CALCR: variants seen among roughly 807,000 people sequenced by gnomAD.
CALCR encodes calcitonin receptor.
A neutral mutation model predicts 59.5 loss-of-function variants in CALCR; 47 were observed. The observed-to-expected ratio is 0.79, with a 90% CI of 0.63 to 1.01. The LOEUF (loss-of-function observed/expected upper bound fraction) is 1.01. Among genes scored for constraint, CALCR ranks in the 50% least tolerant of loss-of-function variants. The probability of loss-of-function intolerance (pLI) is 0.00; values close to 1 mark genes in which losing one functional copy is unlikely to be tolerated. For missense variants in CALCR, 566 were observed against 597.1 expected, an observed-to-expected ratio of 0.95 and a Z score of 0.54; for synonymous variants, 213 against 211.3, an observed-to-expected ratio of 1.01 and a Z score of -0.07.
chr7:93,467,270 C>T (rs1989872), intron 7 of CALCR, among the ~76,000 whole-genome samples: 9,412 of 151,660 alleles, frequency 0.062, 937 homozygotes, highest in African/African-American at 0.21. Context: ...TACTTCATGT[C>T]TTTTTGCTTT....
At chr7:93,429,747 A>C (rs1333006302) in intron 13 of CALCR, among the ~76,000 whole-genome samples, 1 of 152,066 alleles carries the variant, frequency 6.6e-6, no homozygotes, top group South Asian at 2.1e-4. Context: ...TTACCTCTGC[A>C]GTTTTGATCC....
chr7:93,527,433 G>A (rs1788686809), intron 2 of CALCR, among the ~76,000 whole-genome samples: 1 of 151,966 alleles, frequency 6.6e-6, no homozygotes, highest in East Asian at 1.9e-4. Flanking sequence ...GCTTAGTACA[G>A]TTTTAAGCTT....
intron 2 of CALCR, among the ~76,000 whole-genome samples, chr7:93,566,655 C>CT (rs892697178): frequency 7.2e-5 from 11 of 152,120 alleles, no homozygotes; most frequent in African/African-American, 2.7e-4. Flanking sequence ...TGCTGGGTCC[C>CT]TGTAAGTTTT....
intron 2 of CALCR, among the ~76,000 whole-genome samples, chr7:93,546,493 G>A (rs987354178): frequency 9.2e-5 from 14 of 152,010 alleles, no homozygotes; most frequent in Non-Finnish European, 1.6e-4. Context: ...CTGTCTGGCC[G>A]CAGAGCCTGA....
chr7:93,498,636 T>C lies in CALCR; in HGVS notation c.-26-11629A>G, dbSNP rs535067476. 4.6e-5 allele frequency among the ~76,000 whole-genome samples: 7 copies of C among 151,712 alleles called. No individual in the cohort carries two copies. In the South Asian group the frequency reaches 8.3e-4, roughly 18 times the overall value. On this transcript the variant is annotated intron_variant, in intron 2 of 13. Coordinates refer to ENST00000426151, the MANE Select transcript of CALCR (RefSeq NM_001742.4). ...AAGCCAAACTTCGATATGTGAGAGA[T>C]TGGGAGAAAAATAATCCAATCTAAA...
intron 2 of CALCR, among the ~76,000 whole-genome samples, chr7:93,526,026 G>T (rs1301606145): frequency 1.1e-4 from 16 of 152,140 alleles, no homozygotes; most frequent in Admixed American, 1.0e-3. Context: ...GACATGGACA[G>T]ATGAGATGTG....
At chr7:93,471,209 G>T (rs1800545410) in intron 6 of CALCR, among the ~76,000 whole-genome samples, 1 of 151,722 alleles carries the variant, frequency 6.6e-6, no homozygotes, top group African/African-American at 2.4e-5. Context: ...ACAACAATCT[G>T]GTTAACATGA....
intron 7 of CALCR, among the ~76,000 whole-genome samples, chr7:93,463,506 G>A (rs1044263057): frequency 3.3e-5 from 5 of 151,798 alleles, no homozygotes; most frequent in South Asian, 4.1e-4. Context: ...GAAGTGAGTC[G>A]AAGGTATTGC....
At chr7:93,462,843 TC>T (rs1425406487) in intron 7 of CALCR, among the ~76,000 whole-genome samples, 1 of 152,002 alleles carries the variant, frequency 6.6e-6, no homozygotes, top group African/African-American at 2.4e-5. Flanking sequence ...GTGTGCCTGC[TC>T]TACTTTTCTT....
At chr7:93,452,240 T>C (rs1562978960) in intron 8 of CALCR, among the ~76,000 whole-genome samples, 1 of 151,992 alleles carries the variant, frequency 6.6e-6, no homozygotes, top group Non-Finnish European at 1.5e-5. Context: ...CCTCAGTACT[T>C]GTTGCAGTGA....
At chr7:93,512,633 T>G (rs1419181197) in intron 2 of CALCR, among the ~76,000 whole-genome samples, 1 of 152,162 alleles carries the variant, frequency 6.6e-6, no homozygotes, top group Non-Finnish European at 1.5e-5. Context: ...TATCCTAAAA[T>G]ATTTAAGATA....
rs569462768 is a variant in CALCR, at chr7:93,539,571, C to T, written c.-27+34718G>A. On this transcript the variant is annotated intron_variant, in intron 2 of 13. Transcript: ENST00000426151. ...CTTTGGTCAATTACACCCAAAGAGT[C>T]GTTTCTAGATGGTATAGGTCCCTGG... is the stretch of plus-strand genomic sequence containing the variant. 2.0e-5 allele frequency among the ~76,000 whole-genome samples: 3 copies of T among 152,116 alleles called. 1 individual carries two copies. Among genetic ancestry groups the T allele is most frequent in the African/African-American group, 7.2e-5 (3 of 41,512 alleles).
intron 2 of CALCR, among the ~76,000 whole-genome samples, chr7:93,527,196 A>G (rs1788677435): frequency 6.6e-6 from 1 of 151,878 alleles, no homozygotes; most frequent in Admixed American, 6.6e-5. Context: ...GGCAAATGGA[A>G]GAATTTCAGG....
chr7:93,433,104 A>G (rs1222032458), intron 13 of CALCR, among the ~76,000 whole-genome samples: 1 of 152,146 alleles, frequency 6.6e-6, no homozygotes, highest in Non-Finnish European at 1.5e-5. Flanking sequence ...GGAGAATAGG[A>G]ACAACAAAAA....
chr7:93,501,373 A>T (rs912647091), intron 2 of CALCR, among the ~76,000 whole-genome samples: 1 of 152,098 alleles, frequency 6.6e-6, no homozygotes, highest in African/African-American at 2.4e-5. Context: ...TTATAATTTT[A>T]CAAATTTATG....
chr7:93,517,526 A>G (rs1801675414), intron 2 of CALCR, among the ~76,000 whole-genome samples: 1 of 151,888 alleles, frequency 6.6e-6, no homozygotes, highest in Non-Finnish European at 1.5e-5. Context: ...ACAATCCATA[A>G]CAGCACTGCT....
chr7:93,552,517 A>G (rs1789486235), intron 2 of CALCR, among the ~76,000 whole-genome samples: 1 of 152,128 alleles, frequency 6.6e-6, no homozygotes, highest in African/African-American at 2.4e-5. Flanking sequence ...ATCTTTGTGA[A>G]CCCATTGATA....
chr7:93,436,290 A>G, intron 11 of CALCR, 120 bp from the exon 12 acceptor site: 1 of 766,952 alleles, frequency 1.3e-6, no homozygotes, highest in East Asian at 2.7e-5. Context: ...AGAACATGAG[A>G]GTCTACCTGA....
intron 2 of CALCR, among the ~76,000 whole-genome samples, chr7:93,574,048 G>T (rs1173788536): frequency 6.6e-6 from 1 of 152,170 alleles, no homozygotes; most frequent in Non-Finnish European, 1.5e-5. Context: ...GAAATCAAAC[G>T]ATTCTTCAAT....
Sources: gnomAD v4.1 joint callset for allele counts (sites outside exome capture counted in the v4.1 genomes callset) on GRCh38, gnomAD v4.1.1 for gene constraint, MANE v1.5 for transcripts, NCBI Gene and HGNC (gene_info 2026-07-23, HGNC 2026-07-21) for gene names.